TSPAN5: variants seen among roughly 807,000 people sequenced by gnomAD.
TSPAN5 encodes the protein tetraspanin-5.
A neutral mutation model predicts 37.1 loss-of-function variants in TSPAN5; 10 were observed. That is an observed-to-expected ratio of 0.27 (90% confidence interval 0.17 to 0.46). The LOEUF (loss-of-function observed/expected upper bound fraction) is 0.46. TSPAN5 is among the 20% of genes least tolerant of loss of function. TSPAN5 has a pLI of 1.00. For synonymous variants in TSPAN5, 110 were observed against 118.9 expected, an observed-to-expected ratio of 0.93 and a Z score of 0.48; for missense variants, 195 against 326.6, an observed-to-expected ratio of 0.60 and a Z score of 3.11.
chr4:98,499,051 G>A (rs1206865675), intron 2 of TSPAN5, among the ~76,000 whole-genome samples: 3 of 152,232 alleles, frequency 2.0e-5, no homozygotes, highest in Non-Finnish European at 2.9e-5. Flanking sequence ...ACTGGCTGAG[G>A]AAGGTGGCCA....
chr4:98,592,403 CCTAA>C (rs1158860218), intron 1 of TSPAN5, among the ~76,000 whole-genome samples: 2 of 147,424 alleles, frequency 1.4e-5, no homozygotes, highest in African/African-American at 5.0e-5. Context: ...GCCTGGTTTA[CCTAA>C]CTAAGGGATC....
chr4:98,606,264 A>G (rs1688308046), intron 1 of TSPAN5, among the ~76,000 whole-genome samples: 1 of 152,216 alleles, frequency 6.6e-6, no homozygotes, highest in South Asian at 2.1e-4. Flanking sequence ...TACATAAGGC[A>G]ACTCATCAAG....
chr4:98,657,881 G>C (rs1304238506), intron 1 of TSPAN5, among the ~76,000 whole-genome samples: 1 of 151,336 alleles, frequency 6.6e-6, no homozygotes, highest in Non-Finnish European at 1.5e-5. Flanking sequence ...CTGCATCCCT[G>C]CTATTCGTTC....
At chr4:98,508,482 A>G (rs1433446971) in intron 1 of TSPAN5, among the ~76,000 whole-genome samples, 4 of 151,670 alleles carry the variant, frequency 2.6e-5, no homozygotes, top group Admixed American at 2.6e-4. Context: ...CAGGAGAGGA[A>G]CAGGTGATAA....
At chr4:98,618,129 C>T (rs1756380365) in intron 1 of TSPAN5, among the ~76,000 whole-genome samples, 1 of 152,206 alleles carries the variant, frequency 6.6e-6, no homozygotes, top group African/African-American at 2.4e-5. Flanking sequence ...CAGGTCCATG[C>T]ATTCTATCTG....
chr4:98,614,397 C>A (rs1285657348), intron 1 of TSPAN5, among the ~76,000 whole-genome samples: 1 of 152,080 alleles, frequency 6.6e-6, no homozygotes, highest in Non-Finnish European at 1.5e-5. Flanking sequence ...GCATTTCTGA[C>A]AGAAATGGAG....
intron 1 of TSPAN5, among the ~76,000 whole-genome samples, chr4:98,636,930 G>A (rs1342905720): frequency 6.6e-6 from 1 of 152,140 alleles, no homozygotes; most frequent in Non-Finnish European, 1.5e-5. Flanking sequence ...AGACCAGCTG[G>A]AGAGTGGACC....
chr4:98,643,753 C>T (rs1297393728), intron 1 of TSPAN5, among the ~76,000 whole-genome samples: 1 of 152,204 alleles, frequency 6.6e-6, no homozygotes, highest in Non-Finnish European at 1.5e-5. Flanking sequence ...ATCATCTAGA[C>T]AGCTCTTCAT....
At chr4:98,495,925 G>A (rs1006130895) in intron 2 of TSPAN5, among the ~76,000 whole-genome samples, 2 of 152,142 alleles carry the variant, frequency 1.3e-5, no homozygotes, top group Non-Finnish European at 2.9e-5. Flanking sequence ...CCTTCCAACT[G>A]CTGGATAAGA....
At chr4:98,474,030 G>A (rs539743715) in intron 7 of TSPAN5, among the ~76,000 whole-genome samples, 1 of 152,096 alleles carries the variant, frequency 6.6e-6, no homozygotes, top group African/African-American at 2.4e-5. Context: ...ATCATTTTCA[G>A]CACAGTTTTA....
chr4:98,590,477 G>T (rs992204837), intron 1 of TSPAN5, among the ~76,000 whole-genome samples: 1 of 152,134 alleles, frequency 6.6e-6, no homozygotes, highest in Non-Finnish European at 1.5e-5. Flanking sequence ...TTGGGAGGCC[G>T]AGGTGGGCAG....
intron 1 of TSPAN5, among the ~76,000 whole-genome samples, chr4:98,514,825 CT>C (rs1236598594): frequency 6.6e-6 from 1 of 152,138 alleles, no homozygotes; most frequent in Non-Finnish European, 1.5e-5. Context: ...AACAAAGTGA[CT>C]GGTCTTGTGG....
At chr4:98,643,616 C>T (rs1029571754) in intron 1 of TSPAN5, among the ~76,000 whole-genome samples, 6 of 152,194 alleles carry the variant, frequency 3.9e-5, no homozygotes, top group Admixed American at 3.9e-4. Context: ...ACACCGTTTT[C>T]AAATTTTTGT....
intron 1 of TSPAN5, among the ~76,000 whole-genome samples, chr4:98,570,832 G>A (rs116052498): frequency 0.027 from 4,082 of 151,774 alleles, 68 homozygotes; most frequent in Non-Finnish European, 0.043. Flanking sequence ...TGTCCACATC[G>A]CACCTCCTAC....
intron 1 of TSPAN5, among the ~76,000 whole-genome samples, chr4:98,565,680 C>G (rs1354168906): frequency 6.6e-6 from 1 of 152,160 alleles, no homozygotes; most frequent in Non-Finnish European, 1.5e-5. Flanking sequence ...GACCAAAAAG[C>G]TGCCTGGAAT....
chr4:98,549,302 GTTTT>G (rs1236454299), intron 1 of TSPAN5, among the ~76,000 whole-genome samples: 1 of 116,288 alleles, frequency 8.6e-6, no homozygotes, highest in Non-Finnish European at 1.6e-5. Flanking sequence ...GTTTGTTTTT[GTTTT>G]TTTTTGTTTT....
At chr4:98,521,845 G>GTT (rs70955934) in intron 1 of TSPAN5, among the ~76,000 whole-genome samples, 1 of 151,636 alleles carries the variant, frequency 6.6e-6, no homozygotes, top group Non-Finnish European at 1.5e-5. Flanking sequence ...TGTGGGTTCT[G>GTT]TTTTTTTTGT....
At chr4:98,581,279 G>T (rs1755364245) in intron 1 of TSPAN5, among the ~76,000 whole-genome samples, 1 of 152,068 alleles carries the variant, frequency 6.6e-6, no homozygotes, top group Non-Finnish European at 1.5e-5. Context: ...ATTGAGGACC[G>T]GTGGCTTGGC....
At chr4:98,506,844 A>G (rs1157119378) in intron 2 of TSPAN5, among the ~76,000 whole-genome samples, 1 of 152,028 alleles carries the variant, frequency 6.6e-6, no homozygotes, top group Non-Finnish European at 1.5e-5. Flanking sequence ...GAAATGCTGC[A>G]GGTGATTTCA....
Sources: allele counts gnomAD v4.1 joint callset (sites outside exome capture counted in the v4.1 genomes callset), GRCh38; gene constraint gnomAD v4.1.1; transcripts MANE v1.5; gene names NCBI Gene and HGNC (gene_info 2026-07-23, HGNC 2026-07-21).